The following RPS6KC1 variants were observed in gnomAD, a reference collection of about 807,000 sequenced individuals.
RPS6KC1 encodes the protein ribosomal protein S6 kinase C1.
A neutral mutation model predicts 103.8 loss-of-function variants in RPS6KC1; 54 were observed. The observed-to-expected ratio is 0.52, with a 90% CI of 0.42 to 0.65. The LOEUF is 0.65. RPS6KC1 is among the 30% of genes least tolerant of loss of function. The pLI is 0.00. For synonymous variants in RPS6KC1, 439 were observed against 438.7 expected (o/e 1.00, Z -0.01); for missense variants, 1,151 against 1,253.8 (o/e 0.92, Z 1.24).
At chr1:213,091,510 G>C (rs527381613) in intron 3 of RPS6KC1, among the ~76,000 whole-genome samples, 7 of 152,136 alleles carry the variant, frequency 4.6e-5, no homozygotes, top group Non-Finnish European at 8.8e-5. Flanking sequence ...ATTACAATCC[G>C]TTGGTCTGTC....
chr1:213,272,128 C>T (rs1453366812), intron 14 of RPS6KC1, among the ~76,000 whole-genome samples: 1 of 152,172 alleles, frequency 6.6e-6, no homozygotes, highest in Non-Finnish European at 1.5e-5. Flanking sequence ...GAAAGATTTA[C>T]TGTGCTTCCC....
At chr1:213,589,943 G>GTA in the RPS6KC1 span, among the ~76,000 whole-genome samples, 1 of 88,314 alleles carries the variant, frequency 1.1e-5, no homozygotes, top group East Asian at 2.0e-4. Context: ...GTAGTGGTGT[G>GTA]TGTGTGTGTG....
chr1:213,689,589 C>T, the RPS6KC1 span, among the ~76,000 whole-genome samples: 1 of 152,194 alleles, frequency 6.6e-6, no homozygotes, highest in South Asian at 2.1e-4. Context: ...CAGGAAAGCC[C>T]TCACTGGGCA....
intron 1 of RPS6KC1, among the ~76,000 whole-genome samples, chr1:213,057,995 T>C (rs899989656): frequency 3.3e-5 from 5 of 150,762 alleles, no homozygotes; most frequent in Non-Finnish European, 7.4e-5. Context: ...CTCAAACTCC[T>C]GGTCTCAAGC....
chr1:213,804,853 C>A, the RPS6KC1 span, among the ~76,000 whole-genome samples: 3 of 152,162 alleles, frequency 2.0e-5, no homozygotes. Context: ...CTCGAGTGAA[C>A]AGAAAATGTT....
At chr1:213,236,547 T>C (rs1411451267) in intron 10 of RPS6KC1, among the ~76,000 whole-genome samples, 1 of 152,190 alleles carries the variant, frequency 6.6e-6, no homozygotes, top group Admixed American at 6.5e-5. Flanking sequence ...CTATTGCTTT[T>C]AATAAAGCCC....
chr1:213,738,837 AAAATAAATAAATAAATAAAT>A, the RPS6KC1 span, among the ~76,000 whole-genome samples: 4 of 143,384 alleles, frequency 2.8e-5, no homozygotes, highest in East Asian at 2.0e-4. Flanking sequence ...TCTACTCTAA[AAAATAAATAAATAAATAAAT>A]AAATAAATAA....
At chr1:213,399,181 C>T in the RPS6KC1 span, among the ~76,000 whole-genome samples, 1 of 152,220 alleles carries the variant, frequency 6.6e-6, no homozygotes, top group African/African-American at 2.4e-5. Context: ...TGGTTATGCC[C>T]TATGCAGCAA....
intron 8 of RPS6KC1, among the ~76,000 whole-genome samples, chr1:213,206,090 G>A (rs1422553904): frequency 1.3e-5 from 2 of 152,140 alleles, no homozygotes; most frequent in Non-Finnish European, 2.9e-5. Context: ...TTGGATTTGT[G>A]GGTGTTTTTA....
chr1:213,129,935 A>G (rs1468973942), intron 6 of RPS6KC1, 46 bp downstream of exon 6: 4 of 1,519,782 alleles, frequency 2.6e-6, no homozygotes, highest in Non-Finnish European at 3.5e-6. Context: ...TTTTGTTGGT[A>G]TGTGGGAAAA....
intron 12 of RPS6KC1, among the ~76,000 whole-genome samples, chr1:213,261,306 A>T (rs966208277): frequency 2.0e-5 from 3 of 152,174 alleles, no homozygotes; most frequent in Non-Finnish European, 4.4e-5. Flanking sequence ...TAAGTAAAGC[A>T]TCTTGAAGGT....
chr1:213,813,565 G>C, the RPS6KC1 span, among the ~76,000 whole-genome samples: 1 of 152,192 alleles, frequency 6.6e-6, no homozygotes, highest in Non-Finnish European at 1.5e-5. Flanking sequence ...ATCGTTTAAA[G>C]TGTCTTGAAA....
chr1:213,329,830 A>AC, the RPS6KC1 span, among the ~76,000 whole-genome samples: 31 of 150,092 alleles, frequency 2.1e-4, no homozygotes, highest in South Asian at 1.9e-3. Flanking sequence ...TCACCGTTGG[A>AC]CCCCCCCAAC....
At chr1:213,324,896 G>T in the RPS6KC1 span, among the ~76,000 whole-genome samples, 1 of 151,936 alleles carries the variant, frequency 6.6e-6, no homozygotes. Flanking sequence ...TACACATGGG[G>T]GGCAGATATA....
At chr1:213,080,443 A>G (rs1235181424) in intron 3 of RPS6KC1, among the ~76,000 whole-genome samples, 6 of 151,634 alleles carry the variant, frequency 4.0e-5, no homozygotes, top group Non-Finnish European at 8.8e-5. Context: ...TCACCACTTA[A>G]CATTTGAAAT....
chr1:213,415,293 C>G, the RPS6KC1 span, among the ~76,000 whole-genome samples: 1 of 152,218 alleles, frequency 6.6e-6, no homozygotes, highest in African/African-American at 2.4e-5. Context: ...ATGGATTTCT[C>G]AAGAGGGTAT....
chr1:213,211,893 A>C (rs1342511464), intron 8 of RPS6KC1, among the ~76,000 whole-genome samples: 1 of 152,122 alleles, frequency 6.6e-6, no homozygotes, highest in Non-Finnish European at 1.5e-5. Flanking sequence ...TTTAGATGGG[A>C]AGTAGAGAAG....
the RPS6KC1 span, among the ~76,000 whole-genome samples, chr1:213,282,675 A>G: frequency 6.6e-6 from 1 of 152,254 alleles, no homozygotes; most frequent in African/African-American, 2.4e-5. Flanking sequence ...AACTCTTGTC[A>G]TCATTGATGA....
At chr1:213,281,656 G>A in the RPS6KC1 span, among the ~76,000 whole-genome samples, 1 of 152,204 alleles carries the variant, frequency 6.6e-6, no homozygotes, top group African/African-American at 2.4e-5. Flanking sequence ...CCATCCTGAT[G>A]TTGCCACTCT....
Sources: gnomAD v4.1 joint callset for allele counts (sites outside exome capture counted in the v4.1 genomes callset) on GRCh38, gnomAD v4.1.1 for gene constraint, MANE v1.5 for transcripts, NCBI Gene and HGNC (gene_info 2026-07-23, HGNC 2026-07-21) for gene names.